Variants in DAAM2 observed in about 807,000 individuals in gnomAD.
DAAM2 encodes the protein dishevelled associated activator of morphogenesis 2.
Under a neutral mutation model 120.7 loss-of-function variants are expected in DAAM2, and 39 were observed. The observed-to-expected ratio is 0.32, with a 90% CI of 0.25 to 0.42. The LOEUF is 0.42. DAAM2 is among the 10% of genes least tolerant of loss of function. The pLI, the probability that DAAM2 is intolerant of heterozygous loss-of-function variation, is 1.00. For missense variants in DAAM2, 1,283 were observed against 1,401.7 expected, an observed-to-expected ratio of 0.92 and a Z score of 1.35; for synonymous variants, 488 against 524.9, an observed-to-expected ratio of 0.93 and a Z score of 0.96.
intron 1 of DAAM2, among the ~76,000 whole-genome samples, chr6:39,802,546 G>A (rs1761896625): frequency 1.3e-5 from 2 of 152,164 alleles, no homozygotes; most frequent in African/African-American, 2.4e-5. Flanking sequence ...TGGTGGTGGT[G>A]AAGATAGTAG....
Position 39,888,772 on chromosome 6 carries a change from CCT to C in DAAM2, c.2145+11_2145+12del. ...AGGACATGCTGGAGCAGGTGAGGAC[CCT>C]CGTGGGAAGGAAGGGGAACTGAACC... On this transcript the variant is annotated intron_variant, in intron 17 of 24. Transcript: ENST00000274867. The C allele has an allele frequency of 6.2e-7, 1 of 1,608,670 alleles. No individual in the cohort carries two copies. The highest frequency in any genetic ancestry group is 1.1e-5 in the South Asian group (1 of 90,626).
At chr6:39,896,773 T>C in intron 19 of DAAM2, 39 bp from the exon 20 acceptor site, 1 of 1,513,492 alleles carries the variant, frequency 6.6e-7, no homozygotes, top group Non-Finnish European at 8.8e-7. Flanking sequence ...CTGCCCTGCC[T>C]AGCCCATGCA....
chr6:39,804,811 A>G (rs188631860), intron 1 of DAAM2, among the ~76,000 whole-genome samples: 1 of 152,350 alleles, frequency 6.6e-6, no homozygotes, highest in Non-Finnish European at 1.5e-5. Context: ...TGCTTGGCAC[A>G]CTGCAAAGTG....
intron 1 of DAAM2, among the ~76,000 whole-genome samples, chr6:39,810,629 G>C (rs972757503): frequency 3.9e-5 from 6 of 152,032 alleles, no homozygotes; most frequent in African/African-American, 1.2e-4. Flanking sequence ...CACTAGGAAA[G>C]GGGAAGAGCC....
chr6:39,818,763 C>T (rs1451832128), intron 1 of DAAM2: 1 of 152,070 alleles, frequency 6.6e-6, no homozygotes, highest in African/African-American at 2.4e-5. Context: ...AGTATAAATT[C>T]TTTAGGTTCC....
At chr6:39,830,153 G>A (rs530790499) in intron 1 of DAAM2, among the ~76,000 whole-genome samples, 44 of 152,190 alleles carry the variant, frequency 2.9e-4, no homozygotes, top group Non-Finnish European at 4.9e-4. Flanking sequence ...CAGAGTGGGG[G>A]TTCATAGATG....
chr6:39,901,733 G>C lies in DAAM2; in HGVS notation c.2983-80G>C, dbSNP rs1164733749. ...CAGGCAGCATGACCATGGCCTAGGA[G>C]TTAGCCCAGGGTTGGGGGGCTGCCC... On this transcript the variant is annotated intron_variant, in intron 24 of 24. Coordinates refer to ENST00000274867, the MANE Select transcript of DAAM2 (RefSeq NM_001201427.2). The surrounding 1 kb of genome is among the most constrained non-coding windows in gnomAD (Gnocchi z 4.5). 1.5e-6 allele frequency: 2 copies of C among 1,318,886 alleles called. No homozygotes were observed. The highest frequency in any genetic ancestry group is 5.6e-5 in the Admixed American group (2 of 35,820). The allele number at this position is 1,318,886 out of a possible 1,614,324, so 81.7% of individuals were successfully genotyped here. A position where few individuals can be genotyped will look rare whatever the true frequency, so the allele number is the denominator to read the frequency against.
rs1379736323 is a variant in DAAM2 at position 39,878,427 on chromosome 6, C to T, written c.1384C>T (p.Leu462=). The part of the protein sequence containing the change: ...RKEHMELVSR[L]ERKERECETK... ...AGAACACATGGAGCTTGTGAGCCGTCTGGAGAGGAAGGAGCGGGAATGCGA... is the reference window on the plus strand; with the variant it reads ...AGAACACATGGAGCTTGTGAGCCGTTTGGAGAGGAAGGAGCGGGAATGCGA... Residue 462 remains leucine, a synonymous_variant, in exon 13 of 25, where the codon CTG becomes TTG. Coordinates refer to ENST00000274867, the MANE Select transcript of DAAM2 (RefSeq NM_001201427.2). The surrounding 1 kb of genome is among the most constrained non-coding windows in gnomAD (Gnocchi z 5.0). 6 of 1,612,124 alleles carry T rather than the reference C, an allele frequency of 3.7e-6. No individual in the cohort carries two copies. The African/African-American group carries it at 4.0e-5, about 11-fold the overall frequency.
At chr6:39,831,745 GT>G (rs1762900765) in intron 1 of DAAM2, among the ~76,000 whole-genome samples, 3 of 136,670 alleles carry the variant, frequency 2.2e-5, no homozygotes, top group East Asian at 2.2e-4. Flanking sequence ...CAGGTGCACT[GT>G]GGGGACAGGA....
chr6:39,883,853 G>T lies in DAAM2; in HGVS notation c.1846-109G>T, dbSNP rs1582734008. The T allele has an allele frequency of 5.7e-6, 4 of 706,630 alleles. No homozygotes were observed. In the East Asian group the frequency reaches 1.1e-4, roughly 19 times the overall value. The allele number at this position is 706,630 out of a possible 1,614,324, so 43.8% of individuals were successfully genotyped here. A position where few individuals can be genotyped will look rare whatever the true frequency, so the allele number is the denominator to read the frequency against. On this transcript the variant is annotated intron_variant, in intron 14 of 24. Coordinates refer to ENST00000274867, the MANE Select transcript of DAAM2 (RefSeq NM_001201427.2). ...TACCTTCTGAAGGTCTGAAATCCTG[G>T]TCATCTTAGTATGTGCAGTTGGGAG...
At chr6:39,846,848 T>C (rs1337451296) in intron 1 of DAAM2, among the ~76,000 whole-genome samples, 1 of 152,162 alleles carries the variant, frequency 6.6e-6, no homozygotes, top group Admixed American at 6.6e-5. Context: ...GCCCAACAAA[T>C]ATTTGTTTGA....
chr6:39,900,946 G>A (rs967160853), intron 23 of DAAM2, among the ~76,000 whole-genome samples: 7 of 152,028 alleles, frequency 4.6e-5, no homozygotes, highest in Non-Finnish European at 7.4e-5. Flanking sequence ...AGGCACAGAG[G>A]GGTTATTAAC....
intron 1 of DAAM2, among the ~76,000 whole-genome samples, chr6:39,798,088 G>A (rs1049415205): frequency 2.0e-5 from 3 of 152,206 alleles, no homozygotes; most frequent in Admixed American, 6.5e-5. Context: ...GCATTTCACA[G>A]GAAAGGTTTG....
chr6:39,898,932 G>A lies in DAAM2; in HGVS notation c.2674G>A (p.Glu892Lys). 2 of 1,611,038 alleles carry A rather than the reference G, an allele frequency of 1.2e-6. No individual in the cohort carries two copies. The highest frequency in any genetic ancestry group is 1.7e-6 in the Non-Finnish European group (2 of 1,178,730). The change falls in exon 22 of 25, where the codon GAG (glutamate) becomes AAG (lysine). Residue 892 changes from glutamate (E) to lysine (K), a missense_variant. Glu to Lys is a moderately conservative substitution (Grantham distance 56, BLOSUM62 1). Transcript: ENST00000274867. ...CCTCAGGAGGGGCCTGAGAGCGGTG[G>A]AGGTGGTGAGTACCTTGTCAGTGCC... ...GNLRRGLRAV[E>K]VELEYQRRQV...
In DAAM2 at chr6:39,878,152, G is replaced by C. The variant is rs1027627766; in HGVS notation, c.1302-51G>C. On this transcript the variant is annotated intron_variant, in intron 11 of 24. Transcript: ENST00000274867. This position sits in a 1 kb window ranked among gnomAD's most constrained non-coding sequence, Gnocchi z 5.0. ...GAAAGATGATGTCTCCTGGGAAGCT[G>C]TGAATCAATGGTCAACAATCACATT... The C allele has an allele frequency of 5.0e-6, 8 of 1,598,768 alleles. No individual in the cohort carries two copies. The highest frequency in any genetic ancestry group is 1.3e-5 in the African/African-American group (1 of 74,678).
Position 39,888,564 on chromosome 6 carries a change from A to T in DAAM2, c.2061-115A>T, listed in dbSNP as rs1208709294. On this transcript the variant is annotated intron_variant, in intron 16 of 24. Coordinates refer to ENST00000274867, the MANE Select transcript of DAAM2 (RefSeq NM_001201427.2). The stretch of plus-strand genomic sequence containing the variant: ...GGCTTTGTAGAGGAGGTGAGGGGGG[A>T]ATACTATTAAATATATTCCCAAGTC... 4 of 753,266 alleles carry T rather than the reference A, an allele frequency of 5.3e-6. No homozygotes were observed. The East Asian group carries it at 1.1e-4, about 20-fold the overall frequency. The allele number at this position is 753,266 out of a possible 1,614,324, so 46.7% of individuals were successfully genotyped here.
At chr6:39,828,053 C>T (rs1044296413) in intron 1 of DAAM2, among the ~76,000 whole-genome samples, 1 of 152,208 alleles carries the variant, frequency 6.6e-6, no homozygotes, top group Non-Finnish European at 1.5e-5. Flanking sequence ...CTCCCACAGG[C>T]CTGTCCCTGA....
At chr6:39,814,113 A>G (rs1762242181) in intron 1 of DAAM2, among the ~76,000 whole-genome samples, 1 of 152,004 alleles carries the variant, frequency 6.6e-6, no homozygotes, top group South Asian at 2.1e-4. Context: ...GCCAACACAA[A>G]TTCATAAAAT....
At chr6:39,891,313 T>G (rs761596214) in intron 17 of DAAM2, 28 bp from the exon 18 acceptor site, 2 of 1,540,376 alleles carry the variant, frequency 1.3e-6, no homozygotes, top group Non-Finnish European at 1.8e-6. Flanking sequence ...CACCAGTTGC[T>G]TGTGTGACTT....
Sources: gnomAD v4.1 joint callset for allele counts (sites outside exome capture counted in the v4.1 genomes callset) on GRCh38, gnomAD v4.1.1 for gene constraint, Gnocchi (gnomAD v3.1) non-coding constraint, MANE v1.5 for transcripts, NCBI Gene and HGNC (gene_info 2026-07-23, HGNC 2026-07-21) for gene names.